Variants in POTEI observed in about 807,000 individuals in gnomAD.
POTEI encodes the protein POTE ankyrin domain family member I.
Under a neutral mutation model 43.4 loss-of-function variants are expected in POTEI, and 14 were observed. The observed-to-expected ratio is 0.32, with a 90% CI of 0.21 to 0.50. The LOEUF is 0.50. Ranked by LOEUF, POTEI falls within the 20% of genes least tolerant of loss-of-function variation. The pLI is 0.98. For synonymous variants in POTEI, 95 were observed against 297.9 expected (o/e 0.32, Z 7.01); for missense variants, 235 against 795.4 (o/e 0.30, Z 8.47).
intron 13 of POTEI, among the ~76,000 whole-genome samples, chr2:130,467,675 AACAACTTAT>A (rs1233931289): frequency 3.9e-5 from 6 of 152,132 alleles, no homozygotes; most frequent in Admixed American, 1.3e-4. Flanking sequence ...ATCATCAAAC[AACAACTTAT>A]ACAATGGGAA....
chr2:130,486,997 AT>A, intron 9 of POTEI, among the ~76,000 whole-genome samples: 1 of 58,872 alleles, frequency 1.7e-5, no homozygotes, highest in Non-Finnish European at 4.1e-5. Flanking sequence ...TGACATAAAA[AT>A]TTAATAACTA....
chr2:130,486,846 T>A lies in POTEI; in HGVS notation c.1409+1186A>T, dbSNP rs1683590416. 3.2e-5 allele frequency among the ~76,000 whole-genome samples: 4 copies of A among 123,582 alleles called. No individual in the cohort carries two copies. The Admixed American group carries it at 3.3e-4, about 10-fold the overall frequency. The allele number at this position is 123,582 out of a possible 152,430, so 81.1% of individuals were successfully genotyped here. On this transcript the variant is annotated intron_variant, in intron 9 of 14. Transcript: ENST00000451531. ...CAGAAAAAGCTGGCCAACTCCTGGT[T>A]TAGCAGATGAAAGATCCTTTGATAC...
At chr2:130,474,185 T>A (rs553880983) in intron 13 of POTEI, among the ~76,000 whole-genome samples, 193 bp downstream of exon 13, 3 of 151,732 alleles carry the variant, frequency 2.0e-5, no homozygotes, top group African/African-American at 7.3e-5. Flanking sequence ...CAATACTGGT[T>A]ATTTTTCAAA....
intron 6 of POTEI, among the ~76,000 whole-genome samples, chr2:130,492,701 A>G (rs1683786331): frequency 7.4e-6 from 1 of 134,754 alleles, no homozygotes; most frequent in South Asian, 3.0e-4. Flanking sequence ...GCAAATTCTC[A>G]ATAATTCTCA....
At chr2:130,480,460 G>T (rs1329923661) in intron 10 of POTEI, among the ~76,000 whole-genome samples, 9 of 150,746 alleles carry the variant, frequency 6.0e-5, no homozygotes, top group Non-Finnish European at 8.8e-5. Flanking sequence ...TTCTGCACTT[G>T]CTGCTCTTCC....
At chr2:130,484,416 C>T (rs1313785660) in intron 9 of POTEI, among the ~76,000 whole-genome samples, 4 of 70,850 alleles carry the variant, frequency 5.6e-5, no homozygotes, top group East Asian at 5.9e-4. Flanking sequence ...GGGTAGTACA[C>T]GGCTCTTCCT....
At chr2:130,479,195 C>T (rs1013967089) in intron 10 of POTEI, among the ~76,000 whole-genome samples, 10 of 147,766 alleles carry the variant, frequency 6.8e-5, no homozygotes, top group African/African-American at 2.6e-4. Flanking sequence ...ATTCCCACTG[C>T]CACTGGGAAC....
At position 130,461,630 on chromosome 2, in the gene POTEI, T is replaced by C. The variant is rs1310006093; in HGVS notation, c.*1186A>G. On this transcript the variant is annotated 3_prime_UTR_variant, in exon 15 of 15. Coordinates refer to ENST00000451531, the MANE Select transcript of POTEI (RefSeq NM_001277406.2). The stretch of plus-strand genomic sequence containing the variant: ...GTCCCAGGAACATTTCACATTTCCA[T>C]TGGCCAAGGAATGCTGGTGGGGGTA... 2.4e-4 allele frequency: 36 copies of C among 152,054 alleles called. No homozygotes were observed. Among genetic ancestry groups the C allele is most frequent in the African/African-American group, 8.7e-4 (36 of 41,422 alleles). The allele number at this position is 152,054 out of a possible 1,614,324, so 9.4% of individuals were successfully genotyped here.
intron 10 of POTEI, among the ~76,000 whole-genome samples, chr2:130,477,264 C>G (rs1384767961): frequency 1.4e-5 from 2 of 147,652 alleles, no homozygotes; most frequent in Non-Finnish European, 3.0e-5. Flanking sequence ...AGTGATTCTC[C>G]TGCTTCAGTC....
intron 13 of POTEI, among the ~76,000 whole-genome samples, chr2:130,468,123 AAAT>A (rs1682903643): frequency 1.6e-5 from 2 of 128,538 alleles, no homozygotes; most frequent in Admixed American, 8.1e-5. Flanking sequence ...TATCTACACA[AAAT>A]AAAAGAAATC....
In POTEI at chr2:130,474,398, A is replaced by G. The variant is rs1683118504; in HGVS notation, c.1758T>C (p.Thr586=). The G allele has an allele frequency of 1.8e-6, 1 of 567,494 alleles. No individual in the cohort carries two copies. The highest frequency in any genetic ancestry group is 3.5e-5 in the Admixed American group (1 of 28,548). 35.2% of individuals were successfully genotyped at this position (567,494 alleles called of 1,614,324 possible). A position where few individuals can be genotyped will look rare whatever the true frequency, so the allele number is the denominator to read the frequency against. Residue 586 remains threonine (T), a synonymous_variant, in exon 13 of 15, where the codon ACT becomes ACC. Transcript: ENST00000451531. ...CTTACCTGTGATACTCTTCATTCTC[A>G]GTGTCAGGAAATTGCTGGCTTTCAG... The part of the protein sequence containing the change: ...RTPESQQFPD[T]ENEEYHSDEQ...
At chr2:130,484,605 A>C (rs1255327987) in intron 9 of POTEI, among the ~76,000 whole-genome samples, 4 of 89,054 alleles carry the variant, frequency 4.5e-5, no homozygotes, top group African/African-American at 7.9e-5. Flanking sequence ...TTTAAGCACT[A>C]GGGGTAGATA....
In POTEI at chr2:130,461,496, G is replaced by C. The variant is rs1217674777; in HGVS notation, c.*1320C>G. The stretch of plus-strand genomic sequence containing the variant: ...TTTGGTAGCGTGGCTGTGCTGTGCT[G>C]AGGTACCTCTTCCACCCCTTGTCAG... On this transcript the variant is annotated 3_prime_UTR_variant, in exon 15 of 15. Transcript: ENST00000451531. 1 of 152,286 alleles carries C rather than the reference G, an allele frequency of 6.6e-6. No homozygotes were observed. The highest frequency in any genetic ancestry group is 2.4e-5 in the African/African-American group (1 of 41,422). The allele number at this position is 152,286 out of a possible 1,614,324, so 9.4% of individuals were successfully genotyped here.
chr2:130,468,560 C>T (rs1476462041), intron 13 of POTEI, among the ~76,000 whole-genome samples: 4 of 151,860 alleles, frequency 2.6e-5, no homozygotes, highest in African/African-American at 9.7e-5. Context: ...ACCGTCAGCT[C>T]TTGTGAGAAC....
chr2:130,496,765 A>C (rs1573935227), intron 5 of POTEI, 143 bp from the exon 6 acceptor site: 1 of 533,606 alleles, frequency 1.9e-6, no homozygotes. Flanking sequence ...TTATGAGTAC[A>C]TTCTACAAAC....
chr2:130,506,540 A>C (rs1684150942), intron 1 of POTEI, among the ~76,000 whole-genome samples: 4 of 119,228 alleles, frequency 3.4e-5, no homozygotes, highest in Admixed American at 9.6e-5. Flanking sequence ...ATGGAGTCTC[A>C]CTCTATCACC....
At chr2:130,509,587 C>T (rs1429808661), upstream of POTEI, 1 of 104,284 alleles carries the variant, frequency 9.6e-6, no homozygotes, top group African/African-American at 1.3e-4. Flanking sequence ...CAAGGAGGAA[C>T]ACCAGGCCAA....
chr2:130,461,123 G>A lies in POTEI; in HGVS notation c.*1693C>T, dbSNP rs1408014310. 14 of 151,634 alleles carry A rather than the reference G, an allele frequency of 9.2e-5. No individual in the cohort carries two copies. Among genetic ancestry groups the A allele is most frequent in the African/African-American group, 3.2e-4 (13 of 41,016 alleles). The allele number at this position is 151,634 out of a possible 1,614,324, so 9.4% of individuals were successfully genotyped here. A position where few individuals can be genotyped will look rare whatever the true frequency, so the allele number is the denominator to read the frequency against. On this transcript the variant is annotated 3_prime_UTR_variant, in exon 15 of 15. Transcript: ENST00000451531. ...TGAACACACCTATAAGATGTGGCTG[G>A]AGGCAAGTTGAGAAGTCTTACCTAG...
At chr2:130,476,286 TC>T (rs1419268255) in intron 11 of POTEI, among the ~76,000 whole-genome samples, 3 of 67,804 alleles carry the variant, frequency 4.4e-5, no homozygotes, top group Non-Finnish European at 8.7e-5. Flanking sequence ...AAGCTCCCTC[TC>T]CTGGGTTCAT....
Sources: allele counts gnomAD v4.1 joint callset (sites outside exome capture counted in the v4.1 genomes callset), GRCh38; gene constraint gnomAD v4.1.1; transcripts MANE v1.5; gene names NCBI Gene and HGNC (gene_info 2026-07-23, HGNC 2026-07-21).